The following MAP4 variants were observed in gnomAD, a reference collection of about 807,000 sequenced individuals.
MAP4 encodes the protein microtubule-associated protein 4.
In MAP4, 76 loss-of-function variants were observed where a neutral mutation model predicts 170.2. The observed-to-expected ratio is 0.45, with a 90% CI of 0.37 to 0.54. MAP4 has a LOEUF of 0.54. MAP4 is among the 20% of genes least tolerant of loss of function. The pLI is 0.00. For synonymous variants in MAP4, 909 were observed against 994.5 expected, an observed-to-expected ratio of 0.91 and a Z score of 1.62; for missense variants, 2,506 against 2,748.0, an observed-to-expected ratio of 0.91 and a Z score of 1.97.
intron 10 of MAP4, among the ~76,000 whole-genome samples, chr3:47,894,582 C>CA (rs1297216394): frequency 7.3e-6 from 1 of 137,702 alleles, no homozygotes; most frequent in Admixed American, 7.5e-5. Context: ...GACTCCGTCT[C>CA]AAAAAATAAA....
intron 17 of MAP4, among the ~76,000 whole-genome samples, chr3:47,865,506 G>A (rs2077764440): frequency 7.8e-6 from 1 of 129,016 alleles, no homozygotes; most frequent in Non-Finnish European, 1.6e-5. Context: ...CCAGGAAGGA[G>A]GGGCAGGAAG....
intron 1 of MAP4, among the ~76,000 whole-genome samples, chr3:48,023,975 A>G (rs1409592481): frequency 6.6e-6 from 1 of 152,226 alleles, no homozygotes; most frequent in Non-Finnish European, 1.5e-5. Flanking sequence ...AAAGATACAA[A>G]AAGCAATATG....
intron 1 of MAP4, among the ~76,000 whole-genome samples, chr3:48,078,640 G>A (rs1476963302): frequency 1.3e-5 from 2 of 152,104 alleles, no homozygotes; most frequent in Non-Finnish European, 2.9e-5. Flanking sequence ...AACTAAGCCT[G>A]TAAATCTGCC....
At chr3:47,973,990 G>C in intron 3 of MAP4, 1 of 985,436 alleles carries the variant, frequency 1.0e-6, no homozygotes, top group Non-Finnish European at 1.2e-6. Flanking sequence ...TTTTGTCAGA[G>C]AATCCAGCCC....
chr3:48,027,818 G>A (rs2100113913), intron 1 of MAP4, among the ~76,000 whole-genome samples: 2 of 152,148 alleles, frequency 1.3e-5, no homozygotes, highest in Admixed American at 1.3e-4. Context: ...AGCCTTGGGT[G>A]ATAGTGTAAG....
intron 10 of MAP4, among the ~76,000 whole-genome samples, chr3:47,887,515 G>A (rs866278809): frequency 6.6e-6 from 1 of 152,158 alleles, no homozygotes; most frequent in African/African-American, 2.4e-5. Flanking sequence ...TGTGCCGCCC[G>A]AGCCTCCCTG....
chr3:47,897,196 G>A (rs369798108), intron 10 of MAP4, among the ~76,000 whole-genome samples: 78 of 152,118 alleles, frequency 5.1e-4, no homozygotes, highest in African/African-American at 1.8e-3. Context: ...GCATGATCTC[G>A]GCTAACTACA....
rs1300848988 is a variant in MAP4, at chr3:47,916,118, A to G, written c.1709T>C (p.Val570Ala). 6.2e-7 allele frequency: 1 copy of G among 1,614,214 alleles called. No homozygotes were observed. Among genetic ancestry groups the G allele is most frequent in the Non-Finnish European group, 8.5e-7 (1 of 1,180,038 alleles). Reference sequence around the variant, plus strand: ...TGGTGGAACATCTTTGGCTGGAGTCACATTGTTGGCCAGGGTCAGAACCCC... The same window carrying G: ...TGGTGGAACATCTTTGGCTGGAGTCGCATTGTTGGCCAGGGTCAGAACCCC... ...KDGVLTLANN[V>A]TPAKDVPPLS... is the part of the protein sequence containing the mutation. The change falls in exon 7 of 21, where the codon GTG becomes GCG. Residue 570 changes from valine to alanine, a missense_variant. Around this residue, in one of 3 missense-constraint regions of MAP4, gnomAD observed 2,008 missense variants for 2,206.0 expected, o/e 0.91. Transcript: ENST00000683076.
At chr3:47,981,782 C>G (rs1044828498) in intron 2 of MAP4, among the ~76,000 whole-genome samples, 3 of 151,062 alleles carry the variant, frequency 2.0e-5, no homozygotes, top group African/African-American at 4.9e-5. Flanking sequence ...AAAAAAAAAG[C>G]TTTATTCCCA....
rs891531110 is a variant in MAP4, at chr3:47,916,239, G to A, written c.1588C>T (p.Leu530Phe). The A allele has an allele frequency of 9.9e-6, 16 of 1,614,072 alleles. No homozygotes were observed. The highest frequency in any genetic ancestry group is 2.7e-5 in the African/African-American group (2 of 74,932). The change falls in exon 7 of 21, where the codon CTC becomes TTC. Residue 530 changes from leucine to phenylalanine, a missense_variant. Physicochemically the swap from Leu to Phe is conservative, Grantham distance 22. Coordinates refer to ENST00000683076, the MANE Select transcript of MAP4 (RefSeq NM_001385682.1). ...GGAGGCAGACATACGTTCTTGATGA[G>A]AACTACTTCTGTTTCTGGAGGTGGA... ...VTPPPETEVV[L>F]IKNVCLPPEM...
chr3:47,888,499 T>G (rs1000725589), intron 10 of MAP4, among the ~76,000 whole-genome samples: 1 of 151,234 alleles, frequency 6.6e-6, no homozygotes, highest in African/African-American at 2.4e-5. Flanking sequence ...TAACACTCAC[T>G]GCCAAGGTCT....
At chr3:47,963,740 T>A (rs566858915) in intron 3 of MAP4, among the ~76,000 whole-genome samples, 16 of 152,202 alleles carry the variant, frequency 1.1e-4, no homozygotes, top group Non-Finnish European at 1.9e-4. Flanking sequence ...GTCCCTCTCA[T>A]AAAATTTGTT....
chr3:47,977,197 A>G (rs967183723), intron 3 of MAP4, among the ~76,000 whole-genome samples: 1 of 152,210 alleles, frequency 6.6e-6, no homozygotes, highest in African/African-American at 2.4e-5. Context: ...CAACTCTCAC[A>G]TCAGCTACTT....
chr3:47,914,979 C>T, intron 7 of MAP4, 40 bp from the exon 8 acceptor site: 3 of 1,612,230 alleles, frequency 1.9e-6, no homozygotes, highest in Non-Finnish European at 1.7e-6. Context: ...TTCAGAGAAG[C>T]ATGATTTCAG....
intron 2 of MAP4, among the ~76,000 whole-genome samples, chr3:47,984,810 G>A (rs2100087603): frequency 6.6e-6 from 1 of 151,302 alleles, no homozygotes; most frequent in Admixed American, 6.6e-5. Flanking sequence ...CTCTAATAAA[G>A]ATACAAAAAT....
intron 1 of MAP4, among the ~76,000 whole-genome samples, chr3:48,028,587 AG>A (rs1559818183): frequency 6.6e-6 from 1 of 151,978 alleles, no homozygotes; most frequent in African/African-American, 2.4e-5. Context: ...AGCCTGGCCA[AG>A]ATGGTGAAAC....
chr3:47,913,555 T>C (rs1432931739), intron 8 of MAP4, among the ~76,000 whole-genome samples: 1 of 152,188 alleles, frequency 6.6e-6, no homozygotes, highest in African/African-American at 2.4e-5. Context: ...TGAGAACTTA[T>C]CTCTTCATTC....
At chr3:48,056,537 G>A (rs2100131808) in intron 1 of MAP4, among the ~76,000 whole-genome samples, 2 of 89,764 alleles carry the variant, frequency 2.2e-5, no homozygotes, top group Non-Finnish European at 4.2e-5. Context: ...GGGAGGTGAG[G>A]GGCGCCTCTG....
rs146288876 is a variant in MAP4, at chr3:48,021,637, C to T, written c.-19-22758G>A. On this transcript the variant is annotated intron_variant, in intron 1 of 18. Coordinates refer to the MAP4 transcript ENST00000360240. Reference sequence around the variant, plus strand: ...TTGGGATTACAGGCGTGAGACACCACGCCCGGCCTAATCTATAGATTTAAC... The same window carrying T: ...TTGGGATTACAGGCGTGAGACACCATGCCCGGCCTAATCTATAGATTTAAC... Among the ~76,000 whole-genome samples the T allele has an allele frequency of 1.8e-4, 27 of 152,340 alleles. No individual in the cohort carries two copies. The East Asian group carries it at 4.2e-3, about 24-fold the overall frequency.
Sources: allele counts gnomAD v4.1 joint callset (sites outside exome capture counted in the v4.1 genomes callset), GRCh38; gene constraint gnomAD v4.1.1; regional missense constraint gnomAD v4.1.1; transcripts MANE v1.5; gene names NCBI Gene and HGNC (gene_info 2026-07-23, HGNC 2026-07-21).